The following TERF2IP variants were observed in gnomAD, a reference collection of about 807,000 sequenced individuals.
TERF2IP encodes TERF2 interacting protein, also known as telomeric repeat-binding factor 2-interacting protein 1.
Under a neutral mutation model 33.3 loss-of-function variants are expected in TERF2IP, and 35 were observed. That is an observed-to-expected ratio of 1.05 (90% confidence interval 0.80 to 1.39). The LOEUF is 1.39. Among genes scored for constraint, TERF2IP ranks in the 40% most tolerant of loss-of-function variants. The pLI, the probability that TERF2IP is intolerant of heterozygous loss-of-function variation, is 0.00. For missense variants in TERF2IP, 583 were observed against 524.8 expected, an observed-to-expected ratio of 1.11 and a Z score of -1.08; for synonymous variants, 253 against 223.2, an observed-to-expected ratio of 1.13 and a Z score of -1.19.
intron 2 of TERF2IP, among the ~76,000 whole-genome samples, chr16:75,655,100 T>C (rs1042853762): frequency 1.3e-5 from 2 of 152,238 alleles, no homozygotes; most frequent in Non-Finnish European, 2.9e-5. Context: ...CACTGTAGCC[T>C]CCACCTCCCA....
At position 75,657,430 on chromosome 16, in the gene TERF2IP, C is replaced by T. The variant is rs1465461171; in HGVS notation, c.*819C>T. On this transcript the variant is annotated 3_prime_UTR_variant, in exon 3 of 3. Coordinates refer to ENST00000300086, the MANE Select transcript of TERF2IP (RefSeq NM_018975.4). ...TTGAAAATAAATATAACTTTGTATTCGAGTCTCGTCAATAAGTGTTTTGAT... is the reference window on the plus strand; with the variant it reads ...TTGAAAATAAATATAACTTTGTATTTGAGTCTCGTCAATAAGTGTTTTGAT... The T allele has an allele frequency of 3.3e-5, 5 of 152,070 alleles. No individual in the cohort carries two copies. Among genetic ancestry groups the T allele is most frequent in the Admixed American group, 1.3e-4 (2 of 15,262 alleles). The allele number at this position is 152,070 out of a possible 1,614,324, so 9.4% of individuals were successfully genotyped here.
At chr16:75,655,635 C>G (rs1168600719) in intron 2 of TERF2IP, among the ~76,000 whole-genome samples, 1 of 152,158 alleles carries the variant, frequency 6.6e-6, no homozygotes, top group East Asian at 1.9e-4. Context: ...CATGACCTAC[C>G]TAGGCCTCTT....
intron 1 of TERF2IP, 100 bp from the exon 2 acceptor site, chr16:75,654,173 A>AAATT: frequency 2.8e-6 from 2 of 716,330 alleles, no homozygotes; most frequent in Non-Finnish European, 3.9e-6. Context: ...AAAAAAAAAA[A>AAATT]GTGCAGGCTC....
rs771036200 is a variant in TERF2IP, at chr16:75,656,324, A to C, written c.913A>C (p.Lys305Gln). ...TGAGGAGGAAGAAGAAGAAGAAGAA[A>C]AAGTTTCTCAACCAGAGGTGGGAGC... Reference protein sequence around the residue: ...PDEEEEEEEEKVSQPEVGAAI... With the variant: ...PDEEEEEEEEQVSQPEVGAAI... The change falls in exon 3 of 3, where the codon AAA (lysine) becomes CAA (glutamine). Residue 305 changes from lysine (K) to glutamine (Q), a missense_variant. Physicochemically the swap from Lys to Gln is moderately conservative, Grantham distance 53 (BLOSUM62 1). Coordinates refer to ENST00000300086, the MANE Select transcript of TERF2IP (RefSeq NM_018975.4). The C allele has an allele frequency of 6.2e-7, 1 of 1,614,118 alleles. No individual in the cohort carries two copies. The highest frequency in any genetic ancestry group is 1.1e-5 in the South Asian group (1 of 91,080).
intron 1 of TERF2IP, among the ~76,000 whole-genome samples, chr16:75,653,999 TAAAC>T (rs1443891788): frequency 2.0e-5 from 3 of 152,202 alleles, no homozygotes; most frequent in Admixed American, 6.5e-5. Flanking sequence ...AAAAATGAAT[TAAAC>T]TTGAGCATTT....
At chr16:75,649,822 G>T (rs368886652) in intron 1 of TERF2IP, among the ~76,000 whole-genome samples, 1 of 152,114 alleles carries the variant, frequency 6.6e-6, no homozygotes, top group East Asian at 1.9e-4. Flanking sequence ...TGAAAATTGG[G>T]GTTCAGTATG....
intron 1 of TERF2IP, among the ~76,000 whole-genome samples, chr16:75,653,525 AG>A (rs1294291300): frequency 1.3e-5 from 2 of 152,232 alleles, no homozygotes; most frequent in Non-Finnish European, 2.9e-5. Flanking sequence ...GAAAAGGAGC[AG>A]AGTTAAATCT....
At chr16:75,653,556 G>A (rs1298436099) in intron 1 of TERF2IP, among the ~76,000 whole-genome samples, 2 of 152,164 alleles carry the variant, frequency 1.3e-5, no homozygotes, top group Non-Finnish European at 2.9e-5. Flanking sequence ...AAAATGTAAA[G>A]GAAAGGAACA....
intron 1 of TERF2IP, 105 bp from the exon 2 acceptor site, chr16:75,654,168 A>C (rs971115931): frequency 3.0e-6 from 3 of 993,052 alleles, no homozygotes; most frequent in Non-Finnish European, 4.0e-6. Flanking sequence ...AAAAAAAAAA[A>C]AAAAAGTGCA....
intron 2 of TERF2IP, 152 bp downstream of exon 2, chr16:75,654,549 T>G (rs1483125817): frequency 5.9e-6 from 5 of 846,060 alleles, no homozygotes; most frequent in Non-Finnish European, 8.6e-6. Context: ...GGGACTGATC[T>G]GGGCTTCAGA....
Position 75,648,316 on chromosome 16 carries a change from T to C in TERF2IP, c.434T>C (p.Leu145Pro). 1 of 1,564,336 alleles carries C rather than the reference T, an allele frequency of 6.4e-7. No individual in the cohort carries two copies. Among genetic ancestry groups the C allele is most frequent in the East Asian group, 2.3e-5 (1 of 42,580 alleles). Residue 145 changes from leucine to proline, a missense_variant, in exon 1 of 3, where the codon CTT becomes CCT. Transcript: ENST00000300086. ...AFTDADDVAI[L>P]TYVKENARSP... ...ACGGATGCGGACGACGTAGCCATCC[T>C]TACCTACGTGAAGGAAAATGCCCGC... is the stretch of plus-strand genomic sequence containing the variant.
In TERF2IP at chr16:75,656,301, A is replaced by T. The variant is rs756101198; in HGVS notation, c.890A>T (p.Glu297Val). 7 of 1,614,186 alleles carry T rather than the reference A, an allele frequency of 4.3e-6. No homozygotes were observed. The South Asian group carries it at 7.7e-5, about 18-fold the overall frequency. Reference sequence around the variant, plus strand: ...GAAGACTCAGAAACACAGCCTGATGAGGAGGAAGAAGAAGAAGAAGAAAAA... The same window carrying T: ...GAAGACTCAGAAACACAGCCTGATGTGGAGGAAGAAGAAGAAGAAGAAAAA... ...PEEDSETQPD[E>V]EEEEEEEKVS... Residue 297 changes from glutamate (E) to valine (V), a missense_variant, in exon 3 of 3, where the codon GAG becomes GTG. Glu to Val is a moderately radical substitution (Grantham distance 121, BLOSUM62 -2). Transcript: ENST00000300086.
chr16:75,648,638 C>T (rs750273943), intron 1 of TERF2IP, 86 bp downstream of exon 1: 36 of 1,444,606 alleles, frequency 2.5e-5, no homozygotes, highest in Non-Finnish European at 3.2e-5. Context: ...TCCATCTTGG[C>T]ATCTTCGGTA....
At position 75,656,366 on chromosome 16, in the gene TERF2IP, C is replaced by T. The variant is rs761365984; in HGVS notation, c.955C>T (p.Arg319Trp). ...GGTGGGAGCTGCCATTAAGATCATTCGGCAGTTAATGGAGAAGTTTAACTT... is the reference window on the plus strand; with the variant it reads ...GGTGGGAGCTGCCATTAAGATCATTTGGCAGTTAATGGAGAAGTTTAACTT... ...PEVGAAIKII[R>W]QLMEKFNLDL... The change falls in exon 3 of 3, where the codon CGG (arginine) becomes TGG (tryptophan). Residue 319 changes from arginine to tryptophan, a missense_variant. Physicochemically the swap from Arg to Trp is moderately radical, Grantham distance 101. Transcript: ENST00000300086. 42 of 1,614,016 alleles carry T rather than the reference C, an allele frequency of 2.6e-5. No homozygotes were observed. Among genetic ancestry groups the T allele is most frequent in the Non-Finnish European group, 3.2e-5 (38 of 1,180,028 alleles).
At chr16:75,652,846 G>A (rs904431725) in intron 1 of TERF2IP, among the ~76,000 whole-genome samples, 2 of 152,138 alleles carry the variant, frequency 1.3e-5, no homozygotes, top group Non-Finnish European at 2.9e-5. Context: ...TTCTAAAACT[G>A]AAACTCCATG....
intron 1 of TERF2IP, among the ~76,000 whole-genome samples, chr16:75,651,699 AAAG>A (rs1015270161): frequency 1.1e-4 from 16 of 152,272 alleles, no homozygotes; most frequent in East Asian, 3.9e-4. Flanking sequence ...GGAAAGAAAA[AAAG>A]AAGAAGAAAG....
In TERF2IP at chr16:75,656,464, G is replaced by C. The variant is rs200023051; in HGVS notation, c.1053G>C (p.Ala351=). Residue 351 remains alanine (A), a synonymous_variant, in exon 3 of 3, where the codon GCG becomes GCC. Coordinates refer to ENST00000300086, the MANE Select transcript of TERF2IP (RefSeq NM_018975.4). ...GELEATSAFL[A]SGQRADGYPI... Reference sequence around the variant, plus strand: ...TGGAGGCTACTTCCGCCTTCTTAGCGTCTGGTCAGAGAGCTGATGGATATC... The same window carrying C: ...TGGAGGCTACTTCCGCCTTCTTAGCCTCTGGTCAGAGAGCTGATGGATATC... 28 of 1,614,066 alleles carry C rather than the reference G, an allele frequency of 1.7e-5. No homozygotes were observed. The South Asian group carries it at 2.7e-4, about 16-fold the overall frequency.
At chr16:75,655,993 A>G (rs1403183024) in intron 2 of TERF2IP, among the ~76,000 whole-genome samples, 1 of 147,438 alleles carries the variant, frequency 6.8e-6, no homozygotes, top group Non-Finnish European at 1.5e-5. Flanking sequence ...ACACACGTGC[A>G]CACACACACG....
At position 75,654,274 on chromosome 16, in the gene TERF2IP, A is replaced by G. The variant is rs189988939; in HGVS notation, c.672A>G (p.Glu224=). ...CTGTGCTGTTCTTCTCTTTAACAGA[A>G]CCACAGAATAAGAGAACTCCAGATT... ...EEDPEAADSG[E]PQNKRTPDLP... Residue 224 remains glutamate (E), a splice_region_variant and synonymous_variant, in exon 2 of 3, where the codon GAA becomes GAG. Coordinates refer to ENST00000300086, the MANE Select transcript of TERF2IP (RefSeq NM_018975.4). 6.2e-6 allele frequency: 10 copies of G among 1,613,004 alleles called. No individual in the cohort carries two copies. In the East Asian group the frequency reaches 2.2e-4, roughly 36 times the overall value.
Sources: gnomAD v4.1 joint callset for allele counts (sites outside exome capture counted in the v4.1 genomes callset) on GRCh38, gnomAD v4.1.1 for gene constraint, MANE v1.5 for transcripts, NCBI Gene and HGNC (gene_info 2026-07-23, HGNC 2026-07-21) for gene names.